CDKAL1: variants seen among roughly 807,000 people sequenced by gnomAD.
CDKAL1 encodes CDKAL1 threonylcarbamoyladenosine tRNA methylthiotransferase.
A neutral mutation model predicts 68.2 loss-of-function variants in CDKAL1; 32 were observed. The ratio of observed to expected loss-of-function variants is 0.47; its 90% CI spans 0.35 to 0.63. The LOEUF is 0.63. Ranked by LOEUF, CDKAL1 falls within the 30% of genes least tolerant of loss-of-function variation. The pLI is 0.00. For synonymous variants in CDKAL1, 234 were observed against 244.3 expected (o/e 0.96, Z 0.39); for missense variants, 606 against 696.7 (o/e 0.87, Z 1.47).
intron 12 of CDKAL1, among the ~76,000 whole-genome samples, chr6:21,072,452 A>G (rs1325774984): frequency 1.4e-5 from 2 of 146,866 alleles, no homozygotes; most frequent in Non-Finnish European, 3.0e-5. Flanking sequence ...AGCAGAACTC[A>G]TTGCATAAAA....
At position 21,223,936 on chromosome 6, in the gene CDKAL1, G is replaced by C. The variant is rs1210080236; in HGVS notation, c.1549-6912G>C. The stretch of plus-strand genomic sequence containing the variant: ...GTCCTCTTCCCCCAGGAAACTTCAC[G>C]GTCAGCCAGCCACACAGTCTCCTAG... On this transcript the variant is annotated intron_variant, in intron 15 of 15. Coordinates refer to ENST00000274695, the MANE Select transcript of CDKAL1 (RefSeq NM_017774.3). Among the ~76,000 whole-genome samples, 3 of 152,264 alleles carry C rather than the reference G, an allele frequency of 2.0e-5. No individual in the cohort carries two copies. In the East Asian group the frequency reaches 5.8e-4, roughly 29 times the overall value.
At chr6:20,667,843 T>A (rs923450147) in intron 5 of CDKAL1, among the ~76,000 whole-genome samples, 3 of 152,186 alleles carry the variant, frequency 2.0e-5, no homozygotes, top group Non-Finnish European at 4.4e-5. Flanking sequence ...TTACCTAGAT[T>A]TAACAAATGC....
intron 9 of CDKAL1, among the ~76,000 whole-genome samples, chr6:20,870,629 C>T (rs1760163228): frequency 6.6e-6 from 1 of 152,110 alleles, no homozygotes; most frequent in Admixed American, 6.6e-5. Flanking sequence ...TAGACATTTG[C>T]TCTGTCATCT....
intron 4 of CDKAL1, among the ~76,000 whole-genome samples, chr6:20,633,313 T>A (rs748853880): frequency 1.3e-5 from 2 of 152,214 alleles, no homozygotes; most frequent in African/African-American, 2.4e-5. Context: ...GTGCCTGACC[T>A]CTTTCACTTA....
chr6:20,670,125 A>G (rs1002054134), intron 5 of CDKAL1, among the ~76,000 whole-genome samples: 8 of 152,174 alleles, frequency 5.3e-5, no homozygotes, highest in African/African-American at 9.7e-5. Flanking sequence ...TATTTGTTCA[A>G]TCCTATTAAT....
At chr6:20,592,477 T>C (rs954938990) in intron 4 of CDKAL1, among the ~76,000 whole-genome samples, 2 of 151,470 alleles carry the variant, frequency 1.3e-5, no homozygotes, top group African/African-American at 2.4e-5. Flanking sequence ...GCTTTTTTTT[T>C]TTTTTTTTTG....
intron 4 of CDKAL1, among the ~76,000 whole-genome samples, chr6:20,646,514 G>C (rs71535526): frequency 0.17 from 26,093 of 151,756 alleles, 2,414 homozygotes; most frequent in Non-Finnish European, 0.18. Context: ...GTCCATCGTT[G>C]ACTGAAATGT....
chr6:20,905,060 A>G (rs1434699865), intron 9 of CDKAL1, among the ~76,000 whole-genome samples: 1 of 152,212 alleles, frequency 6.6e-6, no homozygotes, highest in Non-Finnish European at 1.5e-5. Flanking sequence ...CAAAGAAACA[A>G]GAAAATGTGT....
intron 7 of CDKAL1, among the ~76,000 whole-genome samples, chr6:20,773,705 G>A (rs991013171): frequency 1.3e-5 from 2 of 151,784 alleles, no homozygotes; most frequent in Non-Finnish European, 2.9e-5. Context: ...CTGCCACCAC[G>A]CCCAGCTAAT....
At chr6:20,700,638 G>T (rs1581407420) in intron 5 of CDKAL1, among the ~76,000 whole-genome samples, 3 of 152,182 alleles carry the variant, frequency 2.0e-5, no homozygotes, top group Admixed American at 2.0e-4. Context: ...GCTCAGATTT[G>T]TTTTATGGTA....
intron 12 of CDKAL1, among the ~76,000 whole-genome samples, chr6:21,090,598 T>A (rs1242744640): frequency 1.3e-5 from 2 of 152,314 alleles, no homozygotes; most frequent in Non-Finnish European, 1.5e-5. Context: ...GGAATGACAC[T>A]CATATATATA....
chr6:20,870,563 CTTGT>C (rs1760159340), intron 9 of CDKAL1, among the ~76,000 whole-genome samples: 1 of 152,118 alleles, frequency 6.6e-6, no homozygotes, highest in Non-Finnish European at 1.5e-5. Flanking sequence ...CTGACGTTTA[CTTGT>C]TTGTTTTCAA....
At chr6:20,922,362 C>T (rs1242938935) in intron 9 of CDKAL1, among the ~76,000 whole-genome samples, 1 of 152,090 alleles carries the variant, frequency 6.6e-6, no homozygotes, top group African/African-American at 2.4e-5. Context: ...TACAGTATTC[C>T]TGATTGCTGG....
Position 20,618,760 on chromosome 6 carries a change from C to A in CDKAL1, c.287-30533C>A, listed in dbSNP as rs550242820. Among the ~76,000 whole-genome samples, 3 of 152,102 alleles carry A rather than the reference C, an allele frequency of 2.0e-5. No individual in the cohort carries two copies. In the East Asian group the frequency reaches 5.8e-4, roughly 29 times the overall value. On this transcript the variant is annotated intron_variant, in intron 4 of 15. Transcript: ENST00000274695. ...GTGGCGCAGTCTTGGCTCACTCTAG[C>A]CTCGACTTCCCAGGCTCAGCTGATC...
At chr6:21,180,020 C>CA (rs918485846) in intron 13 of CDKAL1, among the ~76,000 whole-genome samples, 125 of 150,106 alleles carry the variant, frequency 8.3e-4, no homozygotes, top group Admixed American at 1.7e-3. Flanking sequence ...GACCCTGTCT[C>CA]AAAAAAAAAG....
intron 4 of CDKAL1, among the ~76,000 whole-genome samples, chr6:20,639,202 T>A (rs1443040847): frequency 6.6e-5 from 10 of 152,216 alleles, no homozygotes; most frequent in Admixed American, 6.5e-4. Flanking sequence ...TGAACAGACT[T>A]CAAGTTGACC....
intron 5 of CDKAL1, among the ~76,000 whole-genome samples, chr6:20,738,468 A>G (rs1382103085): frequency 6.6e-6 from 1 of 151,180 alleles, no homozygotes; most frequent in African/African-American, 2.4e-5. Context: ...CTTTTGAGCC[A>G]GCATTTCTAC....
At chr6:20,968,585 G>T (rs1241685551) in intron 10 of CDKAL1, among the ~76,000 whole-genome samples, 1 of 151,830 alleles carries the variant, frequency 6.6e-6, no homozygotes, top group Non-Finnish European at 1.5e-5. Context: ...GGTATCTAAG[G>T]CTCTGTTAAT....
intron 12 of CDKAL1, among the ~76,000 whole-genome samples, chr6:21,065,995 G>T (rs571308380): frequency 6.6e-6 from 1 of 150,822 alleles, no homozygotes; most frequent in African/African-American, 2.4e-5. Flanking sequence ...TTTAATTACC[G>T]CAATTACTTT....
Sources: allele counts gnomAD v4.1 joint callset (sites outside exome capture counted in the v4.1 genomes callset), GRCh38; gene constraint gnomAD v4.1.1; transcripts MANE v1.5; gene names NCBI Gene and HGNC (gene_info 2026-07-23, HGNC 2026-07-21).